AKAP13: variants seen among roughly 807,000 people sequenced by gnomAD.
AKAP13 encodes A-kinase anchoring protein 13, also known as A-kinase anchor protein 13.
Under a neutral mutation model 264.5 loss-of-function variants are expected in AKAP13, and 80 were observed. That is an observed-to-expected ratio of 0.30 (90% CI 0.25 to 0.36). The LOEUF (loss-of-function observed/expected upper bound fraction) is 0.36, where lower values mean the gene tolerates loss of function less well. AKAP13 is among the 10% of genes least tolerant of loss of function. The pLI is 1.00. For missense variants in AKAP13, 3,712 were observed against 3,435.2 expected (o/e 1.08, Z -2.01); for synonymous variants, 1,380 against 1,250.2 (o/e 1.10, Z -2.19).
chr15:85,455,028 C>G (rs1050267398), intron 1 of AKAP13, among the ~76,000 whole-genome samples: 1 of 152,024 alleles, frequency 6.6e-6, no homozygotes, highest in African/African-American at 2.4e-5. Flanking sequence ...AGTGAAGGAC[C>G]TGGGTGTTTT....
intron 17 of AKAP13, 113 bp from the exon 18 acceptor site, chr15:85,707,906 C>A (rs2151689361): frequency 2.1e-6 from 2 of 975,520 alleles, no homozygotes; most frequent in East Asian, 2.5e-5. Flanking sequence ...CACATTCTCA[C>A]ATGTGAGTGA....
chr15:85,487,239 A>G (rs753610561), intron 2 of AKAP13, among the ~76,000 whole-genome samples: 13 of 152,166 alleles, frequency 8.5e-5, no homozygotes, highest in Non-Finnish European at 1.3e-4. Flanking sequence ...TCCAATCTGG[A>G]TGCGTTTTAT....
At chr15:85,690,113 C>G (rs1429172187) in intron 16 of AKAP13, 1 of 152,238 alleles carries the variant, frequency 6.6e-6, no homozygotes, top group African/African-American at 2.4e-5. Flanking sequence ...AGGTAAGAGC[C>G]TGACTTCTTT....
At chr15:85,667,802 T>G (rs1282375894) in intron 13 of AKAP13, among the ~76,000 whole-genome samples, 21 of 152,210 alleles carry the variant, frequency 1.4e-4, no homozygotes, top group Admixed American at 1.4e-3. Flanking sequence ...GAAATAAGAA[T>G]GATTTAATTT....
At chr15:85,573,955 C>G (rs550717550) in intron 5 of AKAP13, among the ~76,000 whole-genome samples, 7 of 152,124 alleles carry the variant, frequency 4.6e-5, no homozygotes, top group Non-Finnish European at 7.4e-5. Flanking sequence ...TTCTCTAATT[C>G]TCAAAACAGT....
intron 8 of AKAP13, among the ~76,000 whole-genome samples, chr15:85,638,043 T>C (rs2082143328): frequency 7.2e-6 from 1 of 138,330 alleles, no homozygotes; most frequent in African/African-American, 3.0e-5. Flanking sequence ...CATGCCTGGC[T>C]AATTTTTTTG....
intron 1 of AKAP13, among the ~76,000 whole-genome samples, chr15:85,400,872 ATATT>A (rs1164270397): frequency 5.0e-4 from 51 of 102,188 alleles, no homozygotes; most frequent in African/African-American, 1.9e-3. Context: ...ATATATATAT[ATATT>A]TTTTTTTTTT....
At chr15:85,546,482 C>A (rs2077749827) in intron 5 of AKAP13, among the ~76,000 whole-genome samples, 1 of 152,048 alleles carries the variant, frequency 6.6e-6, no homozygotes, top group African/African-American at 2.4e-5. Flanking sequence ...AACTGAGATC[C>A]AGAGAGACAA....
intron 8 of AKAP13, among the ~76,000 whole-genome samples, chr15:85,622,115 G>A (rs775066804): frequency 1.7e-4 from 26 of 152,114 alleles, no homozygotes; most frequent in Non-Finnish European, 3.2e-4. Context: ...TATCCCATGC[G>A]AGCCACGGGT....
At chr15:85,686,400 C>T (rs1022882310) in intron 16 of AKAP13, among the ~76,000 whole-genome samples, 1 of 152,132 alleles carries the variant, frequency 6.6e-6, no homozygotes, top group Non-Finnish European at 1.5e-5. Flanking sequence ...AGTATTTTAC[C>T]ATGTTTTGTA....
At chr15:85,448,474 T>C (rs1322511835) in intron 1 of AKAP13, among the ~76,000 whole-genome samples, 1 of 152,214 alleles carries the variant, frequency 6.6e-6, no homozygotes, top group Admixed American at 6.5e-5. Flanking sequence ...ACCTAGGTTA[T>C]CTTCCAGGGT....
chr15:85,743,520 G>T lies in AKAP13; in HGVS notation c.8087G>T (p.Arg2696Met). The T allele has an allele frequency of 6.2e-7, 1 of 1,614,126 alleles. No homozygotes were observed. ...TCCCATCCACATACCAAGCTGATGA[G>T]GATCCCATCGTTCTTCCCCAGTCCT... ...QVSHPHTKLM[R>M]IPSFFPSPEE... is the part of the protein sequence containing the mutation. Residue 2696 changes from arginine to methionine, a missense_variant, in exon 36 of 37, where the codon AGG becomes ATG. Around this residue, in one of 3 missense-constraint regions of AKAP13, gnomAD observed 611 missense variants for 539.3 expected, o/e 1.13. Coordinates refer to ENST00000394518, the MANE Select transcript of AKAP13 (RefSeq NM_007200.5).
chr15:85,679,978 C>T (rs1211751325), intron 14 of AKAP13, among the ~76,000 whole-genome samples: 1 of 152,106 alleles, frequency 6.6e-6, no homozygotes, highest in East Asian at 1.9e-4. Flanking sequence ...CATAACTTAA[C>T]TAAAATTTTT....
intron 5 of AKAP13, among the ~76,000 whole-genome samples, chr15:85,553,288 A>G (rs1204794173): frequency 1.3e-5 from 2 of 152,214 alleles, no homozygotes; most frequent in Non-Finnish European, 2.9e-5. Context: ...GGGTTTCACC[A>G]TATTAACCAG....
chr15:85,675,700 G>T (rs757180412), intron 14 of AKAP13, among the ~76,000 whole-genome samples: 6 of 152,144 alleles, frequency 3.9e-5, no homozygotes, highest in Non-Finnish European at 7.3e-5. Flanking sequence ...GGGTCAGAAG[G>T]CTGACTAAGG....
At chr15:85,396,278 TC>T (rs2071106783) in intron 1 of AKAP13, among the ~76,000 whole-genome samples, 1 of 152,198 alleles carries the variant, frequency 6.6e-6, no homozygotes, top group Admixed American at 6.5e-5. Flanking sequence ...TTGTGCTTGG[TC>T]CACGTAGGGC....
intron 5 of AKAP13, among the ~76,000 whole-genome samples, chr15:85,568,059 G>T (rs11638379): frequency 0.2 from 30,803 of 151,892 alleles, 4,130 homozygotes; most frequent in Middle Eastern, 0.41. Context: ...GAGGCAGGCA[G>T]ATTGCTTGAG....
At chr15:85,691,924 T>G in intron 16 of AKAP13, 1 of 467,578 alleles carries the variant, frequency 2.1e-6, no homozygotes, top group African/African-American at 2.0e-5. Context: ...CTGCTTTTCC[T>G]GCCTTCCTGC....
At chr15:85,605,669 T>G (rs1416006078) in intron 8 of AKAP13, among the ~76,000 whole-genome samples, 1 of 152,218 alleles carries the variant, frequency 6.6e-6, no homozygotes, top group African/African-American at 2.4e-5. Flanking sequence ...GGATATAAGC[T>G]TATAAATAAT....
Sources: allele counts gnomAD v4.1 joint callset (sites outside exome capture counted in the v4.1 genomes callset), GRCh38; gene constraint gnomAD v4.1.1; regional missense constraint gnomAD v4.1.1; transcripts MANE v1.5; gene names NCBI Gene and HGNC (gene_info 2026-07-23, HGNC 2026-07-21).